Variants in HERC2 observed in about 807,000 individuals in gnomAD.
HERC2 encodes the protein HECT and RLD domain containing E3 ubiquitin protein ligase 2, also known as E3 ubiquitin-protein ligase HERC2.
Under a neutral mutation model 537.7 loss-of-function variants are expected in HERC2, and 102 were observed. That is an observed-to-expected ratio of 0.19 (90% CI 0.16 to 0.22). The LOEUF is 0.22. HERC2 is among the 10% of genes least tolerant of loss of function. HERC2 has a pLI of 1.00. For synonymous variants in HERC2, 2,224 were observed against 2,466.2 expected (o/e 0.90, Z 2.91); for missense variants, 4,236 against 6,198.2 (o/e 0.68, Z 10.63).
chr15:28,164,018 G>A (rs942148541), intron 68 of HERC2, among the ~76,000 whole-genome samples: 1 of 152,202 alleles, frequency 6.6e-6, no homozygotes, highest in African/African-American at 2.4e-5. Flanking sequence ...CTGGAGGGCA[G>A]CACTGGGGCT....
In HERC2 at chr15:28,268,214, T is replaced by C. The variant is rs188967407; in HGVS notation, c.1598+251A>G. 6.6e-6 allele frequency among the ~76,000 whole-genome samples: 1 copy of C among 152,168 alleles called. No homozygotes were observed. Among genetic ancestry groups the C allele is most frequent in the Non-Finnish European group, 1.5e-5 (1 of 68,024 alleles). The stretch of plus-strand genomic sequence containing the variant: ...CTCCACAGTGGGGATGCAGTTTGAG[T>C]AGATAGAAGGCTGGCCAAGGCTGCA... On this transcript the variant is annotated intron_variant, in intron 12 of 92. Coordinates refer to ENST00000261609, the MANE Select transcript of HERC2 (RefSeq NM_004667.6). This position sits in a 1 kb window ranked among gnomAD's most constrained non-coding sequence, Gnocchi z 4.7.
chr15:28,158,824 C>A (rs1383519851), intron 69 of HERC2, among the ~76,000 whole-genome samples: 3 of 152,190 alleles, frequency 2.0e-5, no homozygotes, highest in Admixed American at 2.0e-4. Context: ...GCAGTTTCTT[C>A]CTAGCATTGA....
Position 28,201,539 on chromosome 15 carries a change from C to T in HERC2, c.7633G>A (p.Val2545Met), listed in dbSNP as rs747655399. ...AAYSMSTGAV[V>M]TESQTYKKRA... ...TTTTTGTACGTCTGGCTCTCCGTCA[C>T]AACAGCACCAGTAGACTGCAAGAAA... is the stretch of plus-strand genomic sequence containing the variant. Residue 2545 changes from valine (V) to methionine (M), a missense_variant, in exon 48 of 93, where the codon GTG becomes ATG. Coordinates refer to ENST00000261609, the MANE Select transcript of HERC2 (RefSeq NM_004667.6). 7.4e-6 allele frequency: 12 copies of T among 1,611,824 alleles called. No individual in the cohort carries two copies. Among genetic ancestry groups the T allele is most frequent in the South Asian group, 1.1e-5 (1 of 91,024 alleles).
intron 20 of HERC2, among the ~76,000 whole-genome samples, chr15:28,253,259 T>C (rs1360893462): frequency 6.6e-6 from 1 of 152,260 alleles, no homozygotes; most frequent in Non-Finnish European, 1.5e-5. Flanking sequence ...CCTCCTAGTC[T>C]GGCCTTCCAA....
chr15:28,186,406 A>G (rs988852279), intron 56 of HERC2, among the ~76,000 whole-genome samples, 171 bp downstream of exon 56: 2 of 152,218 alleles, frequency 1.3e-5, no homozygotes, highest in Non-Finnish European at 2.9e-5. Context: ...TACATTAAAC[A>G]CTTTATTTTT....
chr15:28,268,764 C>CCGT lies in HERC2; in HGVS notation c.1447-149_1447-148insACG. 1.5e-6 allele frequency: 1 copy of CCGT among 674,546 alleles called. No individual in the cohort carries two copies. The highest frequency in any genetic ancestry group is 2.5e-6 in the Non-Finnish European group (1 of 397,588). The allele number at this position is 674,546 out of a possible 1,614,324, so 41.8% of individuals were successfully genotyped here. A position where few individuals can be genotyped will look rare whatever the true frequency, so the allele number is the denominator to read the frequency against. On this transcript the variant is annotated intron_variant, in intron 11 of 92. Transcript: ENST00000261609. This position sits in a 1 kb window ranked among gnomAD's most constrained non-coding sequence, Gnocchi z 4.7. ...TCTGGGAACTACGGGGCCGGCTCTC[C>CCGT]AGCCCTTCCCACCCAGCAGCAACAG...
chr15:28,233,567 A>C lies in HERC2; in HGVS notation c.4352-6T>G. The C allele has an allele frequency of 1.2e-6, 2 of 1,613,696 alleles. No individual in the cohort carries two copies. The highest frequency in any genetic ancestry group is 1.7e-6 in the Non-Finnish European group (2 of 1,179,642). ...TAAAGATAATGCCACATGACCTGTA[A>C]AAAGACATTTAAAAGAAGGGCAGGG... On this transcript the variant is annotated splice_polypyrimidine_tract_variant and splice_region_variant and intron_variant, in intron 28 of 92. Transcript: ENST00000261609.
chr15:28,116,222 CTTT>C (rs11365574), intron 88 of HERC2, among the ~76,000 whole-genome samples: 63 of 126,458 alleles, frequency 5.0e-4, no homozygotes, highest in Non-Finnish European at 6.5e-4. Flanking sequence ...TTTTCTTTTT[CTTT>C]TTTTTTTTTT....
intron 45 of HERC2, chr15:28,203,356 G>A (rs980390428): frequency 4.7e-5 from 7 of 149,344 alleles, no homozygotes; most frequent in African/African-American, 1.0e-4. Context: ...GGAGCCCCCC[G>A]GTGCTCAGGA....
chr15:28,186,462 G>A, intron 56 of HERC2, 115 bp downstream of exon 56: 1 of 726,670 alleles, frequency 1.4e-6, no homozygotes, highest in Non-Finnish European at 2.1e-6. Context: ...CCAATCGTGT[G>A]GACATAAAAT....
intron 78 of HERC2, among the ~76,000 whole-genome samples, chr15:28,139,899 A>AC (rs2142226859): frequency 6.7e-6 from 1 of 148,906 alleles, no homozygotes; most frequent in South Asian, 2.1e-4. Context: ...TCTCTACTAA[A>AC]AAAAAAAAAA....
chr15:28,248,154 G>C (rs1903908967), intron 21 of HERC2, among the ~76,000 whole-genome samples: 1 of 152,120 alleles, frequency 6.6e-6, no homozygotes, highest in Non-Finnish European at 1.5e-5. Context: ...TGAAACCCAG[G>C]CTTTCTCCAA....
At chr15:28,209,809 A>G (rs1898936716) in intron 44 of HERC2, among the ~76,000 whole-genome samples, 1 of 152,126 alleles carries the variant, frequency 6.6e-6, no homozygotes, top group Non-Finnish European at 1.5e-5. Flanking sequence ...AAGTACCATC[A>G]TTTTGAATGG....
chr15:28,233,596 A>T, intron 28 of HERC2, 35 bp from the exon 29 acceptor site: 1 of 1,613,858 alleles, frequency 6.2e-7, no homozygotes, highest in Non-Finnish European at 8.5e-7. Context: ...GGCAGGGATG[A>T]ATATGTACCT....
Position 28,249,581 on chromosome 15 carries a change from A to C in HERC2, c.3051-845T>G, listed in dbSNP as rs557312928. ...AGGTAATGGAATGTCAGGCTGTGGG[A>C]CCAGAGTCTGCAATGCCAACCCACC... On this transcript the variant is annotated intron_variant, in intron 20 of 92. Transcript: ENST00000261609. Among the ~76,000 whole-genome samples the C allele has an allele frequency of 1.3e-3, 199 of 152,314 alleles. 1 individual carries two copies. The highest frequency in any genetic ancestry group is 3.4e-3 in the Middle Eastern group (1 of 294).
intron 70 of HERC2, among the ~76,000 whole-genome samples, chr15:28,147,371 G>A (rs942933252): frequency 1.8e-4 from 27 of 152,342 alleles, no homozygotes; most frequent in Admixed American, 1.6e-3. Context: ...GTACACTCCT[G>A]TAATCTTAGC....
rs1475970425 is a variant in HERC2, at chr15:28,254,383, T to C, written c.3007A>G (p.Lys1003Glu). The change falls in exon 20 of 93, where the codon AAA becomes GAA. Residue 1003 changes from lysine to glutamate, a missense_variant. Around this residue, in one of 27 missense-constraint regions of HERC2, gnomAD observed 754 missense variants for 1,085.0 expected, o/e 0.69. Coordinates refer to ENST00000261609, the MANE Select transcript of HERC2 (RefSeq NM_004667.6). ...AGCTGAACCAGAGGCAAACACTGTTTGCCAGAAGACTCACAGATCCCCGTA... is the reference window on the plus strand; with the variant it reads ...AGCTGAACCAGAGGCAAACACTGTTCGCCAGAAGACTCACAGATCCCCGTA... ...INTGICESSG[K>E]QCLPLVQLIQ... 1 of 1,608,584 alleles carries C rather than the reference T, an allele frequency of 6.2e-7. No homozygotes were observed. The highest frequency in any genetic ancestry group is 2.2e-5 in the East Asian group (1 of 44,812).
chr15:28,192,234 A>G, intron 52 of HERC2, 83 bp from the exon 53 acceptor site: 1 of 1,169,614 alleles, frequency 8.5e-7, no homozygotes, highest in Admixed American at 2.4e-5. Context: ...CATAGTAAGG[A>G]GCTTCTTAAA....
At chr15:28,141,121 C>T (rs1352913755) in intron 78 of HERC2, among the ~76,000 whole-genome samples, 2 of 151,726 alleles carry the variant, frequency 1.3e-5, no homozygotes, top group Admixed American at 1.3e-4. Flanking sequence ...GCCTATAATC[C>T]CAGCTACTTG....
Sources: allele counts gnomAD v4.1 joint callset (sites outside exome capture counted in the v4.1 genomes callset), GRCh38; gene constraint gnomAD v4.1.1; regional missense constraint gnomAD v4.1.1; non-coding constraint Gnocchi (gnomAD v3.1); transcripts MANE v1.5; gene names NCBI Gene and HGNC (gene_info 2026-07-23, HGNC 2026-07-21).